The following PTPRG variants were observed in gnomAD, a reference collection of about 807,000 sequenced individuals.
The protein encoded by PTPRG is receptor-type tyrosine-protein phosphatase gamma.
Under a neutral mutation model 165.3 loss-of-function variants are expected in PTPRG, and 102 were observed. That is an observed-to-expected ratio of 0.62 (90% CI 0.53 to 0.73). The LOEUF is 0.73. PTPRG is among the 30% of genes least tolerant of loss of function. PTPRG has a pLI of 0.00. For synonymous variants in PTPRG, 675 were observed against 669.5 expected, an observed-to-expected ratio of 1.01 and a Z score of -0.13; for missense variants, 1,866 against 1,861.4, an observed-to-expected ratio of 1.00 and a Z score of -0.05.
intron 5 of PTPRG, among the ~76,000 whole-genome samples, chr3:62,110,991 T>C (rs1469802102): frequency 6.6e-6 from 1 of 152,186 alleles, no homozygotes; most frequent in African/African-American, 2.4e-5. Flanking sequence ...GGAATGTCAT[T>C]GTTTTAGAGA....
At chr3:62,127,815 C>T (rs1228241904) in intron 5 of PTPRG, among the ~76,000 whole-genome samples, 1 of 152,172 alleles carries the variant, frequency 6.6e-6, no homozygotes, top group Non-Finnish European at 1.5e-5. Context: ...CTGATGGGGT[C>T]TCTGTGCTTC....
intron 1 of PTPRG, among the ~76,000 whole-genome samples, chr3:61,672,736 GAGAGGGAGAGGGAGAGGGAGAGGGAGA>G (rs1441339824): frequency 3.5e-3 from 28 of 7,968 alleles, no homozygotes; most frequent in African/African-American, 7.4e-3. Context: ...AGACTGTGGG[GAGAGGGAGAGGGAGAGGGAGAGGGAGA>G]AGAGGGAGAG....
At chr3:61,883,323 G>A (rs927021522) in intron 2 of PTPRG, among the ~76,000 whole-genome samples, 3 of 152,092 alleles carry the variant, frequency 2.0e-5, no homozygotes, top group Non-Finnish European at 4.4e-5. Flanking sequence ...GTACTGGGGA[G>A]GCTCCTGATG....
chr3:61,661,020 A>G (rs969651666), intron 1 of PTPRG, among the ~76,000 whole-genome samples: 3 of 152,056 alleles, frequency 2.0e-5, no homozygotes, highest in Non-Finnish European at 4.4e-5. Context: ...AAAACCTTAC[A>G]CAATTTAATA....
chr3:61,767,258 G>A (rs375793511), intron 2 of PTPRG, among the ~76,000 whole-genome samples: 3,959 of 58,620 alleles, frequency 0.068, 17 homozygotes, highest in East Asian at 0.16. Context: ...AAAAAAAAAA[G>A]AAAGTAGAAT....
chr3:62,007,215 G>T (rs1044813956), intron 4 of PTPRG, among the ~76,000 whole-genome samples: 1 of 152,182 alleles, frequency 6.6e-6, no homozygotes, highest in African/African-American at 2.4e-5. Context: ...TGTAGGTTTT[G>T]TTGCTTCCCA....
At chr3:61,944,588 C>T (rs1190627082) in intron 2 of PTPRG, among the ~76,000 whole-genome samples, 1 of 152,088 alleles carries the variant, frequency 6.6e-6, no homozygotes, top group Non-Finnish European at 1.5e-5. Flanking sequence ...GACAGCCTCG[C>T]GCTACATGAT....
At chr3:61,950,643 C>G (rs2039877725) in intron 2 of PTPRG, among the ~76,000 whole-genome samples, 1 of 152,076 alleles carries the variant, frequency 6.6e-6, no homozygotes, top group Non-Finnish European at 1.5e-5. Flanking sequence ...CATTTACTTT[C>G]TTGCACCTCT....
At chr3:61,897,209 A>G (rs2038380760) in intron 2 of PTPRG, among the ~76,000 whole-genome samples, 1 of 152,030 alleles carries the variant, frequency 6.6e-6, no homozygotes. Context: ...GTTTTTCTGA[A>G]AATTTTATAG....
At position 62,285,448 on chromosome 3, in the gene PTPRG, T is replaced by G. The variant is rs117088266; in HGVS notation, c.4055+2579T>G. Among the ~76,000 whole-genome samples, 301 of 144,710 alleles carry G rather than the reference T, an allele frequency of 2.1e-3. 6 individuals carry two copies. The East Asian group carries it at 0.057, about 27-fold the overall frequency. The allele number at this position is 144,710 out of a possible 152,430, so 94.9% of individuals were successfully genotyped here. A position where few individuals can be genotyped will look rare whatever the true frequency, so the allele number is the denominator to read the frequency against. ...GAGGCAGAGAGTTGAACTTTTAGTG[T>G]GCAAATGTTGTGACATCTATTTGGT... is the stretch of plus-strand genomic sequence containing the variant. On this transcript the variant is annotated intron_variant, in intron 28 of 29. Coordinates refer to ENST00000474889, the MANE Select transcript of PTPRG (RefSeq NM_002841.4).
intron 2 of PTPRG, among the ~76,000 whole-genome samples, chr3:61,921,612 C>T (rs2039079393): frequency 6.6e-6 from 1 of 152,088 alleles, no homozygotes; most frequent in African/African-American, 2.4e-5. Context: ...TTAAAATTAC[C>T]TTCAGACTAT....
intron 1 of PTPRG, among the ~76,000 whole-genome samples, chr3:61,627,772 G>A (rs540484432): frequency 1.3e-5 from 2 of 152,246 alleles, no homozygotes; most frequent in Non-Finnish European, 2.9e-5. Flanking sequence ...TGCAGTAGAA[G>A]GTCATTAAAA....
intron 1 of PTPRG, among the ~76,000 whole-genome samples, chr3:61,590,637 T>G (rs1019368680): frequency 3.9e-5 from 6 of 152,240 alleles, no homozygotes; most frequent in African/African-American, 1.4e-4. Context: ...TGAAGAGATT[T>G]GAATAGGTTT....
At chr3:61,871,128 A>ATGTTGTGTTGTGTTGTGTTG (rs796152535) in intron 2 of PTPRG, among the ~76,000 whole-genome samples, 4 of 123,068 alleles carry the variant, frequency 3.3e-5, no homozygotes, top group African/African-American at 1.3e-4. Flanking sequence ...ATGTTATGTT[A>ATGTTGTGTTGTGTTGTGTTG]TGTTGTGTTG....
chr3:62,232,662 A>G (rs1278057749), intron 14 of PTPRG, among the ~76,000 whole-genome samples: 3 of 152,182 alleles, frequency 2.0e-5, no homozygotes, highest in Non-Finnish European at 2.9e-5. Context: ...TCTTTTATGT[A>G]CTTCGACCCC....
chr3:61,716,043 C>T (rs944472395), intron 1 of PTPRG, among the ~76,000 whole-genome samples: 1 of 152,136 alleles, frequency 6.6e-6, no homozygotes, highest in African/African-American at 2.4e-5. Flanking sequence ...GTGCTGGGAA[C>T]ACTGAAATGC....
chr3:61,874,581 C>T (rs1324770099), intron 2 of PTPRG, among the ~76,000 whole-genome samples: 1 of 151,670 alleles, frequency 6.6e-6, no homozygotes, highest in Non-Finnish European at 1.5e-5. Flanking sequence ...TGATCTAGGA[C>T]AGAGGTGGTT....
chr3:62,028,819 G>C (rs1020479829), intron 4 of PTPRG, among the ~76,000 whole-genome samples: 1 of 152,212 alleles, frequency 6.6e-6, no homozygotes, highest in African/African-American at 2.4e-5. Context: ...TTGTGTCTTG[G>C]ACATTTCCTC....
In PTPRG at chr3:62,069,684, T is replaced by TCACA. The variant is rs1553712762; in HGVS notation, c.520-8474_520-8471dup. ...CTCTCTCTCTCTCTCTCTCTCTCTC[T>TCACA]CACACACAGACACACGCACACACAC... On this transcript the variant is annotated intron_variant, in intron 4 of 29. Coordinates refer to ENST00000474889, the MANE Select transcript of PTPRG (RefSeq NM_002841.4). Among the ~76,000 whole-genome samples, 55 of 145,006 alleles carry TCACA rather than the reference T, an allele frequency of 3.8e-4. 1 individual carries two copies. Among genetic ancestry groups the TCACA allele is most frequent in the Admixed American group, 2.3e-3 (33 of 14,430 alleles).
Sources: allele counts gnomAD v4.1 joint callset (sites outside exome capture counted in the v4.1 genomes callset), GRCh38; gene constraint gnomAD v4.1.1; transcripts MANE v1.5; gene names NCBI Gene and HGNC (gene_info 2026-07-23, HGNC 2026-07-21).